The following HEPH variants were observed in gnomAD, a reference collection of about 807,000 sequenced individuals.
HEPH encodes hephaestin.
A neutral mutation model predicts 80.8 loss-of-function variants in HEPH; 69 were observed. That is an observed-to-expected ratio of 0.85 (90% CI 0.70 to 1.04). The LOEUF (loss-of-function observed/expected upper bound fraction) is 1.04, where lower values mean the gene tolerates loss of function less well. HEPH is among the 50% of genes least tolerant of loss of function. HEPH has a pLI of 0.00. For synonymous variants in HEPH, 431 were observed against 322.8 expected (o/e 1.34, Z -3.60); for missense variants, 1,115 against 891.3 (o/e 1.25, Z -3.20).
At chrX:66,177,532 A>G (rs1488494763) in intron 4 of HEPH, among the ~76,000 whole-genome samples, 1 of 111,440 alleles carries the variant, frequency 9.0e-6, no homozygotes, top group African/African-American at 3.3e-5. Context: ...GTAGCCTTGA[A>G]TCTTTTGTAT....
At chrX:66,162,972 A>G, upstream of HEPH, 1 of 825,953 alleles carries the variant, frequency 1.2e-6, no homozygotes, top group Non-Finnish European at 1.7e-6. Context: ...GAGGCATAGT[A>G]TTCTCAGACC....
Position 66,207,273 on chromosome X carries a change from T to C in HEPH, c.2370T>C (p.Thr790=). The C allele has an allele frequency of 3.3e-6, 4 of 1,200,344 alleles. No homozygotes were observed. Among genetic ancestry groups the C allele is most frequent in the Middle Eastern group, 2.3e-4 (1 of 4,310 alleles). Reference sequence around the variant, plus strand: ...AGAAAGCTGTATTCAGGGAATACACTGATGGTACATTCAGGATCCCTCGGC... The same window carrying C: ...AGAAAGCTGTATTCAGGGAATACACCGATGGTACATTCAGGATCCCTCGGC... ...RYKKAVFREY[T]DGTFRIPRPR... The change falls in exon 14 of 21, where the codon ACT becomes ACC. Residue 790 remains threonine, a synonymous_variant. Transcript: ENST00000343002.
At chrX:66,247,278 T>C (rs1024594344) in intron 15 of HEPH, among the ~76,000 whole-genome samples, 1 of 108,855 alleles carries the variant, frequency 9.2e-6, no homozygotes, top group African/African-American at 3.4e-5. Context: ...CTCTCCTCCT[T>C]CTTTGACTTC....
At chrX:66,239,479 T>C (rs2090486961) in intron 15 of HEPH, among the ~76,000 whole-genome samples, 2 of 112,329 alleles carry the variant, frequency 1.8e-5, no homozygotes, top group Non-Finnish European at 3.8e-5. Context: ...TAACAAGTGT[T>C]TATAAATGGT....
chrX:66,232,850 T>C (rs1392317370), intron 15 of HEPH, among the ~76,000 whole-genome samples: 2 of 111,054 alleles, frequency 1.8e-5, no homozygotes, highest in Non-Finnish European at 3.8e-5. Context: ...TGTAAATTAT[T>C]ACATAGAAAA....
chrX:66,208,395 G>A, intron 15 of HEPH, 149 bp downstream of exon 15: 1 of 515,156 alleles, frequency 1.9e-6, no homozygotes. Context: ...GAGGCGGGTG[G>A]ATCACTTGAG....
At chrX:66,168,574 C>T (rs1231217811) in intron 1 of HEPH, among the ~76,000 whole-genome samples, 1 of 111,719 alleles carries the variant, frequency 9.0e-6, no homozygotes, top group African/African-American at 3.2e-5. Flanking sequence ...AATATGGAAT[C>T]TAGGGATTAA....
chrX:66,224,035 T>A (rs998595247), intron 15 of HEPH, among the ~76,000 whole-genome samples: 8 of 110,717 alleles, frequency 7.2e-5, no homozygotes, highest in African/African-American at 2.3e-4. Context: ...AGGATAAGAA[T>A]TTACCATATA....
At chrX:66,162,988 C>T (rs2086240566), upstream of HEPH, 2 of 664,972 alleles carry the variant, frequency 3.0e-6, no homozygotes, top group African/African-American at 2.3e-5. Flanking sequence ...AGACCTGTCG[C>T]CACAAATTGC....
At chrX:66,198,837 A>G (rs1295709776) in intron 10 of HEPH, 41 bp from the exon 11 acceptor site, 3 of 1,039,788 alleles carry the variant, frequency 2.9e-6, no homozygotes, top group Non-Finnish European at 4.0e-6. Flanking sequence ...TGCTGAAACT[A>G]TTGTCATTAT....
In HEPH at chrX:66,189,713, C is replaced by A. The variant is rs767130933; in HGVS notation, c.838C>A (p.Pro280Thr). ...CAATGGCTTTGTTTTTGGGAATTTA[C>A]CTGAGCTGAACATGTGTGCACAGAA... ...AINGFVFGNL[P>T]ELNMCAQKRV... The change falls in exon 6 of 21, where the codon CCT becomes ACT. Residue 280 changes from proline to threonine, a missense_variant. Coordinates refer to ENST00000343002, the MANE Select transcript of HEPH (RefSeq NM_001367233.3). 8.3e-7 allele frequency: 1 copy of A among 1,209,052 alleles called. No individual in the cohort carries two copies. Among genetic ancestry groups the A allele is most frequent in the Non-Finnish European group, 1.1e-6 (1 of 893,881 alleles).
chrX:66,208,388 G>A, intron 15 of HEPH, 142 bp downstream of exon 15: 1 of 559,501 alleles, frequency 1.8e-6, no homozygotes, highest in Non-Finnish European at 2.7e-6. Flanking sequence ...AGAGGCTGAG[G>A]CGGGTGGATC....
Position 66,191,844 on chromosome X carries a change from T to C in HEPH, c.1064-286T>C, listed in dbSNP as rs183876975. Among the ~76,000 whole-genome samples, 5 of 111,481 alleles carry C rather than the reference T, an allele frequency of 4.5e-5. No homozygotes were observed. In the Admixed American group the frequency reaches 4.8e-4, roughly 11 times the overall value. ...TTGAACTCGAGTTTCCTTACTTCTGTCTCTGTGATGTTGCTACAATGTGAG... is the reference window on the plus strand; with the variant it reads ...TTGAACTCGAGTTTCCTTACTTCTGCCTCTGTGATGTTGCTACAATGTGAG... On this transcript the variant is annotated intron_variant, in intron 6 of 20. Transcript: ENST00000343002.
chrX:66,216,634 C>T (rs951056148), intron 15 of HEPH, among the ~76,000 whole-genome samples: 60 of 111,658 alleles, frequency 5.4e-4, no homozygotes, highest in Non-Finnish European at 7.7e-4. Context: ...ATTGGAACAC[C>T]AATTCTGGTA....
intron 15 of HEPH, among the ~76,000 whole-genome samples, chrX:66,221,733 C>T (rs1207560793): frequency 8.9e-6 from 1 of 112,872 alleles, no homozygotes; most frequent in African/African-American, 3.2e-5. Flanking sequence ...TTTCTTTTAA[C>T]TCGTGAAAAG....
At chrX:66,232,006 A>G (rs1214732229) in intron 15 of HEPH, among the ~76,000 whole-genome samples, 1 of 109,694 alleles carries the variant, frequency 9.1e-6, no homozygotes, top group Non-Finnish European at 1.9e-5. Flanking sequence ...GAATTTTGTC[A>G]AAGGCTTTTT....
upstream of HEPH, chrX:66,162,697 T>C (rs2086233465): frequency 8.7e-7 from 1 of 1,151,020 alleles, no homozygotes; most frequent in African/African-American, 1.8e-5. Flanking sequence ...CGCCTAAGTG[T>C]CTGAGCACAC....
At chrX:66,196,593 T>A (rs1194647608) in intron 9 of HEPH, among the ~76,000 whole-genome samples, 1 of 111,693 alleles carries the variant, frequency 9.0e-6, no homozygotes, top group African/African-American at 3.3e-5. Flanking sequence ...TACATTAAAA[T>A]TTTTGGTACC....
chrX:66,249,647 G>A (rs1341929342), intron 15 of HEPH, among the ~76,000 whole-genome samples: 1 of 111,835 alleles, frequency 8.9e-6, no homozygotes, highest in East Asian at 2.8e-4. Flanking sequence ...TCTAAGATCA[G>A]AGAAGGCAGA....
Sources: allele counts gnomAD v4.1 joint callset (sites outside exome capture counted in the v4.1 genomes callset), GRCh38; gene constraint gnomAD v4.1.1; transcripts MANE v1.5; gene names NCBI Gene and HGNC (gene_info 2026-07-23, HGNC 2026-07-21).